SRCIN1: variants seen among roughly 807,000 people sequenced by gnomAD.
SRCIN1 encodes the protein P130Cas-associated protein.
A neutral mutation model predicts 116.2 loss-of-function variants in SRCIN1; 50 were observed. The ratio of observed to expected loss-of-function variants is 0.43; its 90% confidence interval spans 0.34 to 0.54. SRCIN1 has a LOEUF of 0.54. Ranked by LOEUF, SRCIN1 falls within the 20% of genes least tolerant of loss-of-function variation. The pLI, the probability that SRCIN1 is intolerant of heterozygous loss-of-function variation, is 0.02. For synonymous variants in SRCIN1, 736 were observed against 750.0 expected, an observed-to-expected ratio of 0.98 and a Z score of 0.30; for missense variants, 1,446 against 1,672.0, an observed-to-expected ratio of 0.86 and a Z score of 2.36.
chr17:38,591,660 C>T (rs758691529), intron 1 of SRCIN1, among the ~76,000 whole-genome samples: 71 of 152,208 alleles, frequency 4.7e-4, no homozygotes, highest in Non-Finnish European at 6.8e-4. Flanking sequence ...CTGCTCCTAA[C>T]GCTCAGGCCT....
chr17:38,582,903 T>C (rs546045398), intron 1 of SRCIN1, among the ~76,000 whole-genome samples: 37 of 151,980 alleles, frequency 2.4e-4, no homozygotes, highest in Non-Finnish European at 4.3e-4. Flanking sequence ...CATCCTGTCC[T>C]TAGGAGAGGG....
intron 1 of SRCIN1, among the ~76,000 whole-genome samples, chr17:38,579,790 C>T (rs759507454): frequency 6.6e-5 from 10 of 152,196 alleles, no homozygotes; most frequent in East Asian, 1.9e-4. Context: ...CCTGCTGGCC[C>T]GCACTCTCCA....
rs1464990192 is a variant in SRCIN1, at chr17:38,570,078, C to T, written c.325-1847G>A. ...CAGCGCCCCGCAACACACAGGCTCACGCACAGCTGAGCACAGACTCTCAGA... is the reference window on the plus strand; with the variant it reads ...CAGCGCCCCGCAACACACAGGCTCATGCACAGCTGAGCACAGACTCTCAGA... On this transcript the variant is annotated intron_variant, in intron 2 of 18. Coordinates refer to ENST00000617146, the MANE Select transcript of SRCIN1 (RefSeq NM_025248.3). Among the ~76,000 whole-genome samples the T allele has an allele frequency of 4.6e-5, 7 of 152,140 alleles. No homozygotes were observed. In the South Asian group the frequency reaches 6.2e-4, roughly 14 times the overall value.
chr17:38,538,344 G>A (rs1002623802), intron 18 of SRCIN1, among the ~76,000 whole-genome samples: 1 of 149,298 alleles, frequency 6.7e-6, no homozygotes, highest in Non-Finnish European at 1.5e-5. Flanking sequence ...TTGAACCCAG[G>A]AGGCGGAGGT....
At chr17:38,582,681 G>T (rs1234730833) in intron 1 of SRCIN1, among the ~76,000 whole-genome samples, 1 of 152,196 alleles carries the variant, frequency 6.6e-6, no homozygotes, top group Non-Finnish European at 1.5e-5. Flanking sequence ...GCAAGGAGGA[G>T]CTTTGATGTG....
chr17:38,539,677 T>C (rs1388006323), intron 18 of SRCIN1, among the ~76,000 whole-genome samples: 1 of 152,128 alleles, frequency 6.6e-6, no homozygotes, highest in South Asian at 2.1e-4. Flanking sequence ...GAGATGTCCA[T>C]GGGTACCTCG....
rs1909077679 is a variant in SRCIN1, at chr17:38,602,092, C to A, written c.22+3592G>T. The stretch of plus-strand genomic sequence containing the variant: ...GGTATCGGGTAGAGGAACCCTGACC[C>A]CGAGGTTCTAGGCTGCTTGGCAGGA... On this transcript the variant is annotated intron_variant, in intron 1 of 18. Transcript: ENST00000617146. The surrounding 1 kb of genome is among the most constrained non-coding windows in gnomAD (Gnocchi z 4.2). 1 of 152,216 alleles carries A rather than the reference C, an allele frequency of 6.6e-6. No individual in the cohort carries two copies. The highest frequency in any genetic ancestry group is 6.6e-5 in the Admixed American group (1 of 15,262). 9.4% of individuals were successfully genotyped at this position (152,216 alleles called of 1,614,324 possible). A position where few individuals can be genotyped will look rare whatever the true frequency, so the allele number is the denominator to read the frequency against.
chr17:38,551,113 C>A, intron 15 of SRCIN1, 42 bp downstream of exon 15: 1 of 859,030 alleles, frequency 1.2e-6, no homozygotes, highest in South Asian at 1.8e-5. Context: ...GGAGGGCACT[C>A]CCCCACGCTG....
At chr17:38,556,221 A>G (rs1685133008) in intron 11 of SRCIN1, among the ~76,000 whole-genome samples, 1 of 152,262 alleles carries the variant, frequency 6.6e-6, no homozygotes, top group African/African-American at 2.4e-5. Flanking sequence ...AAAATTATTA[A>G]GAATTTCAAG....
At position 38,563,519 on chromosome 17, in the gene SRCIN1, C is replaced by A. The variant is rs1032152721; in HGVS notation, c.544G>T (p.Val182Leu). The A allele has an allele frequency of 3.2e-6, 5 of 1,549,122 alleles. No homozygotes were observed. In the Admixed American group the frequency reaches 5.9e-5, roughly 18 times the overall value. ...ASQTKLRSPG[V>L]LFLQFGEETR... ...TCCTCCCCGAACTGCAGGAACAGCA[C>A]CCCTGCGAAGGAGACGCCGCCCTCG... The change falls in exon 5 of 19, where the codon GTG (valine) becomes TTG (leucine). Residue 182 changes from valine to leucine, a missense_variant and splice_region_variant. Coordinates refer to ENST00000617146, the MANE Select transcript of SRCIN1 (RefSeq NM_025248.3). This position sits in a 1 kb window ranked among gnomAD's most constrained non-coding sequence, Gnocchi z 5.8.
At chr17:38,540,673 G>A (rs1904674931) in intron 18 of SRCIN1, among the ~76,000 whole-genome samples, 1 of 152,144 alleles carries the variant, frequency 6.6e-6, no homozygotes, top group Non-Finnish European at 1.5e-5. Context: ...AAGGGCCCTG[G>A]GCCGCACATG....
chr17:38,561,413 G>A, intron 7 of SRCIN1, 50 bp downstream of exon 7: 1 of 1,444,056 alleles, frequency 6.9e-7, no homozygotes, highest in Non-Finnish European at 9.1e-7. Flanking sequence ...AACCCTCTCC[G>A]CAGCGCACCC....
At chr17:38,579,421 C>G (rs1001069971) in intron 1 of SRCIN1, among the ~76,000 whole-genome samples, 20 of 152,340 alleles carry the variant, frequency 1.3e-4, no homozygotes, top group Middle Eastern at 3.4e-3. Context: ...AGCCCAGCGT[C>G]TGGGGCAGTG....
At chr17:38,564,619 G>A (rs929987939) in intron 3 of SRCIN1, among the ~76,000 whole-genome samples, 2 of 152,060 alleles carry the variant, frequency 1.3e-5, no homozygotes, top group Non-Finnish European at 2.9e-5. Flanking sequence ...TCAGGCTTCC[G>A]AAGAACAACA....
chr17:38,548,893 GA>G (rs1329078965), intron 16 of SRCIN1, among the ~76,000 whole-genome samples, 162 bp downstream of exon 16: 47 of 152,294 alleles, frequency 3.1e-4, no homozygotes, highest in East Asian at 1.9e-3. Flanking sequence ...CACATACCTA[GA>G]ATCCCAAACT....
At chr17:38,593,456 C>T (rs1256090527) in intron 1 of SRCIN1, among the ~76,000 whole-genome samples, 5 of 151,624 alleles carry the variant, frequency 3.3e-5, no homozygotes, top group Non-Finnish European at 7.4e-5. Flanking sequence ...CAGGTGAAGG[C>T]GGAGGGGAAG....
In SRCIN1 at chr17:38,552,798, C is replaced by T. The variant is rs1481740837; in HGVS notation, c.2259G>A (p.Leu753=). The change falls in exon 12 of 19, where the codon CTG becomes CTA. Residue 753 remains leucine, a synonymous_variant. Coordinates refer to ENST00000617146, the MANE Select transcript of SRCIN1 (RefSeq NM_025248.3). The surrounding 1 kb of genome is among the most constrained non-coding windows in gnomAD (Gnocchi z 5.3). ...IQRDVSHNHR[L]VPGPELEEKA... ...TCTCCTCCAGCTCAGGGCCGGGCAC[C>T]AGCCGGTGGTTGTGGGACACGTCTC... 6.2e-7 allele frequency: 1 copy of T among 1,613,998 alleles called. No individual in the cohort carries two copies. Among genetic ancestry groups the T allele is most frequent in the Admixed American group, 1.7e-5 (1 of 60,020 alleles).
chr17:38,543,918 G>A lies in SRCIN1; in HGVS notation c.3322C>T (p.Arg1108Trp), dbSNP rs769877165. The change falls in exon 18 of 19, where the codon CGG becomes TGG. Residue 1108 changes from arginine (R) to tryptophan (W), a missense_variant. Transcript: ENST00000617146. ...GCCTGGCCCTGGGCCGCCTTCAGCC[G>A]AGAGGCCCCCGGAGTCACCACCTTC... ...PMKVVTPGAS[R>W]LKAAQGQAGS... is the part of the protein sequence containing the mutation. 8.5e-5 allele frequency: 137 copies of A among 1,602,554 alleles called. No individual in the cohort carries two copies. Among genetic ancestry groups the A allele is most frequent in the Non-Finnish European group, 1.1e-4 (130 of 1,178,482 alleles).
intron 1 of SRCIN1, among the ~76,000 whole-genome samples, chr17:38,592,952 C>T (rs1452602465): frequency 2.0e-5 from 3 of 152,142 alleles, no homozygotes; most frequent in Non-Finnish European, 2.9e-5. Flanking sequence ...CTCCTCACCA[C>T]AGCCCCCACC....
Sources: gnomAD v4.1 joint callset for allele counts (sites outside exome capture counted in the v4.1 genomes callset) on GRCh38, gnomAD v4.1.1 for gene constraint, Gnocchi (gnomAD v3.1) non-coding constraint, MANE v1.5 for transcripts, NCBI Gene and HGNC (gene_info 2026-07-23, HGNC 2026-07-21) for gene names.